Variants in RBFOX1 observed in about 807,000 individuals in gnomAD.
The protein encoded by RBFOX1 is RNA binding protein fox-1 homolog 1.
A neutral mutation model predicts 57.7 loss-of-function variants in RBFOX1; 8 were observed. That is an observed-to-expected ratio of 0.14 (90% CI 0.08 to 0.25). The LOEUF is 0.25. Ranked by LOEUF, RBFOX1 falls within the 10% of genes least tolerant of loss-of-function variation. The probability of loss-of-function intolerance (pLI) is 1.00; values close to 1 mark genes in which losing one functional copy is unlikely to be tolerated. For synonymous variants in RBFOX1, 326 were observed against 222.4 expected (o/e 1.47, Z -4.15); for missense variants, 611 against 548.5 (o/e 1.11, Z -1.14).
chr16:7,134,676 C>G (rs1033013548), intron 4 of RBFOX1, among the ~76,000 whole-genome samples: 1 of 152,212 alleles, frequency 6.6e-6, no homozygotes, highest in Non-Finnish European at 1.5e-5. Context: ...TTCACATCAA[C>G]AGAGGCTACT....
chr16:7,261,749 G>A (rs141774052), intron 4 of RBFOX1, among the ~76,000 whole-genome samples: 279 of 152,258 alleles, frequency 1.8e-3, no homozygotes, highest in Middle Eastern at 3.4e-3. Flanking sequence ...TGATAGGATG[G>A]TGAGGACAAC....
intron 3 of RBFOX1, among the ~76,000 whole-genome samples, chr16:5,664,995 A>T (rs1196672629): frequency 6.6e-6 from 1 of 151,094 alleles, no homozygotes; most frequent in Non-Finnish European, 1.5e-5. Context: ...TTCAGGCTGG[A>T]GTACAGTGGC....
chr16:6,912,040 A>G (rs2071757093), intron 3 of RBFOX1, among the ~76,000 whole-genome samples: 2 of 152,140 alleles, frequency 1.3e-5, no homozygotes, highest in Non-Finnish European at 2.9e-5. Context: ...TTTGTGGACC[A>G]TTTCTTTGAG....
chr16:5,534,775 C>T (rs1459120220), intron 2 of RBFOX1, among the ~76,000 whole-genome samples: 4 of 152,158 alleles, frequency 2.6e-5, no homozygotes, highest in Admixed American at 6.5e-5. Flanking sequence ...GCTATGTAGG[C>T]ATCCTTAGAT....
chr16:6,249,824 T>G (rs988543541), intron 1 of RBFOX1, among the ~76,000 whole-genome samples: 10 of 151,300 alleles, frequency 6.6e-5, no homozygotes, highest in African/African-American at 2.4e-4. Context: ...GTGCACAATG[T>G]GCAGGTTAGT....
intron 4 of RBFOX1, among the ~76,000 whole-genome samples, chr16:5,913,456 C>G: frequency 6.6e-6 from 1 of 152,176 alleles, no homozygotes; most frequent in African/African-American, 2.4e-5. Context: ...CAAGTCAGAG[C>G]TGGCTGTTTA....
chr16:6,244,597 G>A (rs1312357388), intron 1 of RBFOX1, among the ~76,000 whole-genome samples: 4 of 152,110 alleles, frequency 2.6e-5, no homozygotes, highest in Non-Finnish European at 4.4e-5. Flanking sequence ...TTCGCCTCTT[G>A]GGTCCCAGTT....
intron 4 of RBFOX1, among the ~76,000 whole-genome samples, chr16:7,173,896 T>C (rs1009644349): frequency 1.3e-5 from 2 of 152,208 alleles, no homozygotes; most frequent in African/African-American, 4.8e-5. Context: ...GTGGTTTCTC[T>C]GACAGTTGAG....
chr16:5,876,334 C>A, intron 4 of RBFOX1, among the ~76,000 whole-genome samples: 1 of 152,076 alleles, frequency 6.6e-6, no homozygotes, highest in South Asian at 2.1e-4. Context: ...ATCATTTTTT[C>A]TGTTTTACAG....
chr16:5,291,753 A>G (rs927430133), intron 1 of RBFOX1, among the ~76,000 whole-genome samples: 1 of 152,090 alleles, frequency 6.6e-6, no homozygotes, highest in African/African-American at 2.4e-5. Context: ...GGCTTGGTTT[A>G]TGGTGGTGTC....
chr16:7,369,392 C>G (rs972257977), intron 4 of RBFOX1, among the ~76,000 whole-genome samples: 7 of 152,164 alleles, frequency 4.6e-5, no homozygotes, highest in East Asian at 1.9e-4. Flanking sequence ...CGCAGACTCT[C>G]CCTCAAGCCC....
chr16:7,470,275 T>C (rs34743902), intron 4 of RBFOX1, among the ~76,000 whole-genome samples: 25,424 of 152,242 alleles, frequency 0.17, 2,418 homozygotes, highest in South Asian at 0.33. Flanking sequence ...TCCACATCCT[T>C]AGTGCAGGTG....
At chr16:7,571,812 A>G (rs564987319) in intron 5 of RBFOX1, among the ~76,000 whole-genome samples, 10 of 129,032 alleles carry the variant, frequency 7.8e-5, no homozygotes, top group African/African-American at 2.4e-4. Flanking sequence ...TGCGTCTCAG[A>G]GTTGTGCATG....
At chr16:6,013,029 AACT>A (rs1226846316) in intron 4 of RBFOX1, among the ~76,000 whole-genome samples, 1 of 152,194 alleles carries the variant, frequency 6.6e-6, no homozygotes. Context: ...TATTAATAGT[AACT>A]ATTAATATGT....
intron 4 of RBFOX1, among the ~76,000 whole-genome samples, chr16:7,244,247 C>CAA (rs60054791): frequency 0.01 from 1,008 of 98,680 alleles, 6 homozygotes; most frequent in African/African-American, 0.024. Context: ...CAAAGTATTC[C>CAA]AAAAAAAAAA....
chr16:7,237,264 G>T (rs925007124), intron 4 of RBFOX1, among the ~76,000 whole-genome samples: 2 of 152,194 alleles, frequency 1.3e-5, no homozygotes, highest in Non-Finnish European at 2.9e-5. Context: ...GGTCCCAGCG[G>T]GGACCATGAG....
At chr16:7,225,329 G>T (rs187774313) in intron 4 of RBFOX1, among the ~76,000 whole-genome samples, 354 of 152,140 alleles carry the variant, frequency 2.3e-3, no homozygotes, top group Middle Eastern at 0.014. Context: ...CATGGGGGCT[G>T]TTTTCCCCAT....
intron 3 of RBFOX1, among the ~76,000 whole-genome samples, chr16:5,662,216 C>G (rs1233572408): frequency 1.3e-5 from 2 of 151,970 alleles, no homozygotes; most frequent in African/African-American, 4.8e-5. Context: ...CTATTTATAC[C>G]TTTGAGTGTC....
chr16:6,694,497 A>G (rs2060723963), intron 3 of RBFOX1, among the ~76,000 whole-genome samples: 1 of 152,192 alleles, frequency 6.6e-6, no homozygotes, highest in Admixed American at 6.5e-5. Flanking sequence ...TGCCTGACCC[A>G]AGGAAATTCC....
Sources: allele counts gnomAD v4.1 joint callset (sites outside exome capture counted in the v4.1 genomes callset), GRCh38; gene constraint gnomAD v4.1.1; transcripts MANE v1.5; gene names NCBI Gene and HGNC (gene_info 2026-07-23, HGNC 2026-07-21).